The following MSANTD7 variants were observed in gnomAD, a reference collection of about 807,000 sequenced individuals.
MSANTD7 encodes Myb/SANT DNA binding domain containing 7.
chr10:14,843,048 G>C, the MSANTD7 span, among the ~76,000 whole-genome samples: 1 of 152,180 alleles, frequency 6.6e-6, no homozygotes, highest in Admixed American at 6.5e-5. Flanking sequence ...TAAGGTATTA[G>C]AACCCTTTAA....
the MSANTD7 span, chr10:14,838,661 G>A: frequency 1.9e-6 from 1 of 537,280 alleles, no homozygotes; most frequent in South Asian, 2.5e-5. Flanking sequence ...TCTACTCCGC[G>A]GCGGAGGCTC....
At chr10:14,838,550 C>T in the MSANTD7 span, 1 of 1,297,910 alleles carries the variant, frequency 7.7e-7, no homozygotes, top group Non-Finnish European at 1.1e-6. Context: ...CGGCGTGTCG[C>T]CGGCCTAGGG....
At chr10:14,844,486 A>C in the MSANTD7 span, 1 of 923,534 alleles carries the variant, frequency 1.1e-6, no homozygotes, top group Non-Finnish European at 1.2e-6. Context: ...GGCTCATTAG[A>C]CGACTATAAG....
At chr10:14,838,621 C>CCT in the MSANTD7 span, 1 of 656,824 alleles carries the variant, frequency 1.5e-6, no homozygotes, top group Non-Finnish European at 2.4e-6. Flanking sequence ...CAGGCCCGGC[C>CCT]TCGCGCCTGG....
the MSANTD7 span, among the ~76,000 whole-genome samples, chr10:14,839,024 G>A: frequency 6.6e-6 from 1 of 152,234 alleles, no homozygotes; most frequent in African/African-American, 2.4e-5. Flanking sequence ...GTCCCGGAGG[G>A]GCGGGGAGGC....
At chr10:14,842,349 C>T in the MSANTD7 span, 1 of 1,536,150 alleles carries the variant, frequency 6.5e-7, no homozygotes, top group South Asian at 1.2e-5. This position sits in a 1 kb window ranked among gnomAD's most constrained non-coding sequence, Gnocchi z 5.2. Flanking sequence ...ACTCTTCTCT[C>T]CATACTAGGC....
the MSANTD7 span, among the ~76,000 whole-genome samples, chr10:14,840,528 G>A: frequency 4.6e-5 from 7 of 152,060 alleles, no homozygotes; most frequent in East Asian, 1.9e-4. Context: ...ACAATTTTTC[G>A]TAATTTATGT....
chr10:14,838,415 G>A, the MSANTD7 span: 2 of 1,605,712 alleles, frequency 1.2e-6, no homozygotes, highest in Non-Finnish European at 1.7e-6. Context: ...GGCGGCCATC[G>A]GAGTTCACCT....
the MSANTD7 span, chr10:14,845,287 C>T: frequency 1.0e-6 from 1 of 985,244 alleles, no homozygotes; most frequent in East Asian, 1.1e-4. Flanking sequence ...AAAAAGTTTT[C>T]CAATAATCTA....
At chr10:14,845,682 C>T in the MSANTD7 span, 1 of 272,014 alleles carries the variant, frequency 3.7e-6, no homozygotes, top group Non-Finnish European at 5.6e-6. Context: ...CAACCTCAGC[C>T]TCCCGAGTAG....
the MSANTD7 span, chr10:14,838,358 G>A: frequency 3.8e-6 from 6 of 1,564,766 alleles, no homozygotes; most frequent in Non-Finnish European, 3.5e-6. Context: ...AGCTGTTGCT[G>A]TTGGGGGACC....
At chr10:14,844,068 A>C in the MSANTD7 span, 1 of 1,426,402 alleles carries the variant, frequency 7.0e-7, no homozygotes, top group Non-Finnish European at 9.1e-7. Flanking sequence ...TCTCCACCAA[A>C]TGGAAGACCT....
At chr10:14,840,385 TTGGTAATTTGCGTCAGAGG>T in the MSANTD7 span, among the ~76,000 whole-genome samples, 1 of 152,196 alleles carries the variant, frequency 6.6e-6, no homozygotes, top group African/African-American at 2.4e-5. Flanking sequence ...ACAGGTCAAT[TTGGTAATTTGCGTCAGAGG>T]TGGTAATTTG....
chr10:14,838,409 G>T, the MSANTD7 span: 2 of 1,604,498 alleles, frequency 1.2e-6, no homozygotes, highest in African/African-American at 1.3e-5. Context: ...CCTCATGGCG[G>T]CCATCGGAGT....
the MSANTD7 span, among the ~76,000 whole-genome samples, chr10:14,841,466 A>G: frequency 3.3e-5 from 5 of 152,298 alleles, no homozygotes; most frequent in South Asian, 6.2e-4. Context: ...CATCAAACAC[A>G]TTGCTGGATT....
At chr10:14,840,024 A>G in the MSANTD7 span, 3 of 1,480,542 alleles carry the variant, frequency 2.0e-6, no homozygotes, top group African/African-American at 4.2e-5. Flanking sequence ...GAAATAATTT[A>G]AAATTACATA....
At chr10:14,843,703 G>A in the MSANTD7 span, 1 of 1,540,448 alleles carries the variant, frequency 6.5e-7, no homozygotes, top group Non-Finnish European at 8.7e-7. Flanking sequence ...AAAGCGGGAG[G>A]AAGAAAAACT....
the MSANTD7 span, chr10:14,842,557 A>G: frequency 6.5e-7 from 1 of 1,536,038 alleles, no homozygotes; most frequent in African/African-American, 1.4e-5. The surrounding 1 kb of genome is among the most constrained non-coding windows in gnomAD (Gnocchi z 5.2). Context: ...CACACTGTCC[A>G]TTTTATGATA....
chr10:14,842,741 T>C, the MSANTD7 span: 1 of 1,536,552 alleles, frequency 6.5e-7, no homozygotes, highest in Non-Finnish European at 8.7e-7. The surrounding 1 kb of genome is among the most constrained non-coding windows in gnomAD (Gnocchi z 5.2). Context: ...TCAGCCTATC[T>C]TGAAAACAGT....
Sources: gnomAD v4.1 joint callset for allele counts (sites outside exome capture counted in the v4.1 genomes callset) on GRCh38, gnomAD v4.1.1 for gene constraint, Gnocchi (gnomAD v3.1) non-coding constraint, MANE v1.5 for transcripts, NCBI Gene and HGNC (gene_info 2026-07-23, HGNC 2026-07-21) for gene names.